Variants in NAALADL2 observed in about 807,000 individuals in gnomAD.
The protein encoded by NAALADL2 is inactive N-acetylated-alpha-linked acidic dipeptidase-like protein 2.
A neutral mutation model predicts 87.2 loss-of-function variants in NAALADL2; 76 were observed. The observed-to-expected ratio is 0.87, with a 90% CI of 0.72 to 1.05. The LOEUF (loss-of-function observed/expected upper bound fraction) is 1.05. Among genes scored for constraint, NAALADL2 ranks in the 50% least tolerant of loss-of-function variants. The pLI, the probability that NAALADL2 is intolerant of heterozygous loss-of-function variation, is 0.00. For missense variants in NAALADL2, 1,089 were observed against 945.8 expected (o/e 1.15, Z -1.99); for synonymous variants, 354 against 331.0 (o/e 1.07, Z -0.75).
intron 2 of NAALADL2, among the ~76,000 whole-genome samples, chr3:174,635,558 T>A (rs9834716): frequency 0.21 from 32,276 of 150,426 alleles, 4,090 homozygotes; most frequent in African/African-American, 0.34. Context: ...GCTGGAGTGC[T>A]CTGGCGCGAT....
chr3:175,283,090 A>T (rs1754518519), intron 4 of NAALADL2, among the ~76,000 whole-genome samples: 1 of 152,060 alleles, frequency 6.6e-6, no homozygotes, highest in Admixed American at 6.6e-5. Context: ...ATTGATAATT[A>T]TCTAAGGGAA....
At chr3:175,218,806 A>ATTTTG (rs1742919919) in intron 2 of NAALADL2, among the ~76,000 whole-genome samples, 1 of 151,278 alleles carries the variant, frequency 6.6e-6, no homozygotes, top group African/African-American at 2.4e-5. Flanking sequence ...ATTTTATTTT[A>ATTTTG]TTTTGTTTTG....
At chr3:175,604,031 C>A (rs917578325) in intron 10 of NAALADL2, among the ~76,000 whole-genome samples, 1 of 152,038 alleles carries the variant, frequency 6.6e-6, no homozygotes, top group Admixed American at 6.6e-5. Flanking sequence ...TCTTCAAGAC[C>A]CTACTTTCAG....
chr3:175,536,951 C>T (rs1269290007), intron 9 of NAALADL2, among the ~76,000 whole-genome samples: 1 of 152,088 alleles, frequency 6.6e-6, no homozygotes, highest in Non-Finnish European at 1.5e-5. Flanking sequence ...CACTGCGCTC[C>T]AGCCTGAGCG....
intron 2 of NAALADL2, among the ~76,000 whole-genome samples, chr3:174,729,718 C>T (rs926335176): frequency 1.4e-4 from 21 of 151,420 alleles, no homozygotes; most frequent in African/African-American, 4.6e-4. Context: ...TAGGACTTAC[C>T]TCTTAATTAT....
intron 2 of NAALADL2, among the ~76,000 whole-genome samples, chr3:175,181,356 G>A (rs1043956249): frequency 6.6e-6 from 1 of 151,800 alleles, no homozygotes; most frequent in Non-Finnish European, 1.5e-5. Flanking sequence ...GATACATGTA[G>A]ACAGTGTATA....
rs745480403 is a variant in NAALADL2, at chr3:175,096,822, G to C, written c.76G>C (p.Asp26His). 1 of 1,599,096 alleles carries C rather than the reference G, an allele frequency of 6.3e-7. No individual in the cohort carries two copies. The highest frequency in any genetic ancestry group is 1.3e-5 in the African/African-American group (1 of 74,406). The change falls in exon 2 of 14, where the codon GAT becomes CAT. Residue 26 changes from aspartate to histidine, a missense_variant. Transcript: ENST00000454872. ...KKMAYQKVHADQRAPGHSQYL... is the reference protein window; with the variant it reads ...KKMAYQKVHAHQRAPGHSQYL... ...GATGGCCTATCAGAAGGTCCATGCA[G>C]ATCAAAGAGCTCCAGGACACTCACA...
intron 11 of NAALADL2, among the ~76,000 whole-genome samples, chr3:175,642,402 C>A (rs1729410747): frequency 6.6e-6 from 1 of 152,136 alleles, no homozygotes. Flanking sequence ...GACCACCAGG[C>A]TGAACCTGAA....
At chr3:174,923,236 G>C (rs1343088336) in intron 1 of NAALADL2, among the ~76,000 whole-genome samples, 1 of 152,106 alleles carries the variant, frequency 6.6e-6, no homozygotes, top group East Asian at 1.9e-4. Context: ...AAATTATAAA[G>C]TGTAGTTAGT....
chr3:175,789,059 TTATAAG>T (rs142425993), intron 13 of NAALADL2, among the ~76,000 whole-genome samples: 4,468 of 152,256 alleles, frequency 0.029, 82 homozygotes, highest in South Asian at 0.059. Flanking sequence ...TTTTGTTTTA[TTATAAG>T]TATATTAGCC....
intron 2 of NAALADL2, among the ~76,000 whole-genome samples, chr3:174,557,677 G>A (rs951588494): frequency 6.6e-6 from 1 of 150,790 alleles, no homozygotes; most frequent in East Asian, 1.9e-4. Flanking sequence ...TAGTCGTCTG[G>A]AGGAGTCTGC....
chr3:174,872,473 A>C (rs1238737886), intron 1 of NAALADL2, among the ~76,000 whole-genome samples: 1 of 152,230 alleles, frequency 6.6e-6, no homozygotes, highest in African/African-American at 2.4e-5. Context: ...ATTTTTGGCA[A>C]GTTGAGAACT....
chr3:175,582,241 G>C (rs1049639189), intron 10 of NAALADL2, among the ~76,000 whole-genome samples: 1 of 151,852 alleles, frequency 6.6e-6, no homozygotes, highest in African/African-American at 2.4e-5. Context: ...GAAGAATGGA[G>C]AATGGAGATA....
intron 10 of NAALADL2, among the ~76,000 whole-genome samples, chr3:175,626,691 C>T (rs1209332572): frequency 6.6e-6 from 1 of 151,862 alleles, no homozygotes; most frequent in Non-Finnish European, 1.5e-5. Flanking sequence ...ATAACAGTTA[C>T]ATGCTTCTCC....
At chr3:174,594,974 T>G (rs1239988611) in intron 2 of NAALADL2, among the ~76,000 whole-genome samples, 2 of 152,310 alleles carry the variant, frequency 1.3e-5, no homozygotes, top group South Asian at 4.1e-4. Context: ...AAACTTTAAG[T>G]GGCCAATTCC....
In NAALADL2 at chr3:175,762,886, C is replaced by T. The variant is rs1404434132; in HGVS notation, c.2189+7468C>T. Among the ~76,000 whole-genome samples the T allele has an allele frequency of 5.9e-5, 9 of 152,194 alleles. No homozygotes were observed. The South Asian group carries it at 6.2e-4, about 11-fold the overall frequency. ...GATCACGAGGTCGGGAGACCGAGAC[C>T]ATCCTGGCTAACACGGTGAAACCCC... On this transcript the variant is annotated intron_variant, in intron 13 of 13. Coordinates refer to ENST00000454872, the MANE Select transcript of NAALADL2 (RefSeq NM_207015.3).
intron 1 of NAALADL2, among the ~76,000 whole-genome samples, chr3:174,879,586 A>G (rs894524515): frequency 2.6e-5 from 4 of 152,126 alleles, no homozygotes; most frequent in African/African-American, 9.7e-5. Flanking sequence ...ATTTTAATAC[A>G]TAGAAAAATA....
intron 3 of NAALADL2, among the ~76,000 whole-genome samples, chr3:174,758,995 T>C (rs1350095437): frequency 6.6e-6 from 1 of 152,214 alleles, no homozygotes; most frequent in Non-Finnish European, 1.5e-5. Flanking sequence ...ATGTAAATAA[T>C]TATGCCAGCA....
intron 3 of NAALADL2, among the ~76,000 whole-genome samples, chr3:174,762,790 T>TA (rs1403327537): frequency 6.6e-6 from 1 of 152,090 alleles, no homozygotes; most frequent in Admixed American, 6.6e-5. Flanking sequence ...TACCAAATAA[T>TA]AACTTTAATA....
Sources: allele counts gnomAD v4.1 joint callset (sites outside exome capture counted in the v4.1 genomes callset), GRCh38; gene constraint gnomAD v4.1.1; transcripts MANE v1.5; gene names NCBI Gene and HGNC (gene_info 2026-07-23, HGNC 2026-07-21).